SLC26A8: variants seen among roughly 807,000 people sequenced by gnomAD.
SLC26A8 encodes the protein solute carrier family 26 member 8.
A neutral mutation model predicts 105.0 loss-of-function variants in SLC26A8; 70 were observed. The observed-to-expected ratio is 0.67, with a 90% CI of 0.55 to 0.81. The LOEUF (loss-of-function observed/expected upper bound fraction) is 0.81, where lower values mean the gene tolerates loss of function less well. Ranked by LOEUF, SLC26A8 falls within the 40% of genes least tolerant of loss-of-function variation. The pLI, the probability that SLC26A8 is intolerant of heterozygous loss-of-function variation, is 0.00. For missense variants in SLC26A8, 998 were observed against 1,181.8 expected (o/e 0.84, Z 2.28); for synonymous variants, 415 against 438.3 (o/e 0.95, Z 0.66).
chr6:35,980,677 C>G (rs1488182301), intron 8 of SLC26A8, among the ~76,000 whole-genome samples: 1 of 152,066 alleles, frequency 6.6e-6, no homozygotes, highest in Admixed American at 6.6e-5. Flanking sequence ...TCATTGAGAA[C>G]TGGGTAGGTT....
Position 36,009,383 on chromosome 6 carries a change from C to CAACAACAACAACAAA in SLC26A8, c.328+2849_328+2850insTTTGTTGTTGTTGTT, listed in dbSNP as rs375466184. Among the ~76,000 whole-genome samples, 115 of 149,314 alleles carry CAACAACAACAACAAA rather than the reference C, an allele frequency of 7.7e-4. 7 individuals carry two copies. Among genetic ancestry groups the CAACAACAACAACAAA allele is most frequent in the African/African-American group, 2.5e-3 (101 of 40,178 alleles). On this transcript the variant is annotated intron_variant, in intron 3 of 19. Coordinates refer to ENST00000490799, the MANE Select transcript of SLC26A8 (RefSeq NM_052961.4). ...ACAACAACAACAACAACAACAACAACAAACCTGCACATGAATGTTCATATC... is the reference window on the plus strand; with the variant it reads ...ACAACAACAACAACAACAACAACAACAACAACAACAACAAAAAACCTGCACATGAATGTTCATATC...
chr6:36,000,183 T>A, intron 3 of SLC26A8, 75 bp from the exon 4 acceptor site: 1 of 987,514 alleles, frequency 1.0e-6, no homozygotes, highest in Admixed American at 2.0e-5. Context: ...TAAAGAATAT[T>A]TAAAATAAAA....
chr6:35,978,244 A>ATTGT (rs767518333), intron 8 of SLC26A8, among the ~76,000 whole-genome samples: 10,968 of 152,064 alleles, frequency 0.072, 462 homozygotes, highest in Middle Eastern at 0.099. Context: ...AAAGGATAAT[A>ATTGT]CACTATGGTC....
chr6:36,009,314 G>C (rs572162882), intron 3 of SLC26A8, among the ~76,000 whole-genome samples: 53 of 152,140 alleles, frequency 3.5e-4, no homozygotes, highest in African/African-American at 4.1e-4. Flanking sequence ...TCGTGCCACT[G>C]TACTCCAGCC....
chr6:35,993,889 G>A (rs954044899), intron 5 of SLC26A8, among the ~76,000 whole-genome samples: 1 of 151,912 alleles, frequency 6.6e-6, no homozygotes, highest in Non-Finnish European at 1.5e-5. Context: ...AACAAAAAGA[G>A]GGTAGGTTAA....
chr6:35,987,214 G>C lies in SLC26A8; in HGVS notation c.942+4445C>G, dbSNP rs73729648. On this transcript the variant is annotated intron_variant, in intron 7 of 19. Coordinates refer to ENST00000490799, the MANE Select transcript of SLC26A8 (RefSeq NM_052961.4). Reference sequence around the variant, plus strand: ...GACCTGGATTAGTTAGTATAAGTGGGTTATGCTGTGGCAATGTACAAGCCA... The same window carrying C: ...GACCTGGATTAGTTAGTATAAGTGGCTTATGCTGTGGCAATGTACAAGCCA... Among the ~76,000 whole-genome samples the C allele has an allele frequency of 9.2e-3, 1,396 of 152,234 alleles. 15 individuals carry two copies. The highest frequency in any genetic ancestry group is 0.032 in the African/African-American group (1,320 of 41,528).
chr6:35,955,640 G>C lies in SLC26A8; in HGVS notation c.1864-120C>G, dbSNP rs537569829. 3.1e-6 allele frequency: 4 copies of C among 1,288,402 alleles called. No individual in the cohort carries two copies. In the African/African-American group the frequency reaches 5.9e-5, roughly 19 times the overall value. 79.8% of individuals were successfully genotyped at this position (1,288,402 alleles called of 1,614,324 possible). ...GTCCCTCTCTCATGAAACTTCTCCC[G>C]AGAGTAGGTACTGTGCATTTTTTAC... On this transcript the variant is annotated intron_variant, in intron 16 of 19. Transcript: ENST00000490799.
chr6:35,955,280 C>T lies in SLC26A8; in HGVS notation c.2104G>A (p.Glu702Lys), dbSNP rs774979134. 3.7e-6 allele frequency: 6 copies of T among 1,614,106 alleles called. No individual in the cohort carries two copies. The highest frequency in any genetic ancestry group is 4.2e-6 in the Non-Finnish European group (5 of 1,180,046). ...ATGAGTGATCTCCTCCCCTGGCTTT[C>T]CGCCACATCAGGCAGTCCTGGTGAG... Reference protein sequence around the residue: ...NSSPGLPDVAESQGRRSLIPY... With the variant: ...NSSPGLPDVAKSQGRRSLIPY... The change falls in exon 17 of 20, where the codon GAA (glutamate) becomes AAA (lysine). Residue 702 changes from glutamate to lysine, a missense_variant. Physicochemically the swap from Glu to Lys is moderately conservative, Grantham distance 56. Transcript: ENST00000490799.
rs1399238869 is a variant in SLC26A8, at chr6:35,951,361, C to A, written c.2288-14G>T. The A allele has an allele frequency of 1.2e-6, 2 of 1,613,996 alleles. No homozygotes were observed. The highest frequency in any genetic ancestry group is 1.7e-5 in the Admixed American group (1 of 59,998). ...TGACTATGGAAGCTAAAAACCAAAC[C>A]CAGAACACACACAATGTCAGATACT... is the stretch of plus-strand genomic sequence containing the variant. On this transcript the variant is annotated splice_polypyrimidine_tract_variant and intron_variant, in intron 18 of 19. Transcript: ENST00000490799.
Position 35,951,150 on chromosome 6 carries a change from C to G in SLC26A8, c.2472+13G>C. On this transcript the variant is annotated intron_variant, in intron 19 of 19. Transcript: ENST00000490799. ...CCCTTCCCCCAACCTCATGCTTTGTCGGTTTGTCTGACCTTGTCTGTTTCT... is the reference window on the plus strand; with the variant it reads ...CCCTTCCCCCAACCTCATGCTTTGTGGGTTTGTCTGACCTTGTCTGTTTCT... 6.8e-7 allele frequency: 1 copy of G among 1,462,360 alleles called. No homozygotes were observed. The highest frequency in any genetic ancestry group is 1.8e-5 in the Admixed American group (1 of 55,080). The allele number at this position is 1,462,360 out of a possible 1,614,324, so 90.6% of individuals were successfully genotyped here.
intron 3 of SLC26A8, among the ~76,000 whole-genome samples, chr6:36,000,774 G>GT (rs1182857430): frequency 1.3e-5 from 2 of 152,152 alleles, no homozygotes; most frequent in Non-Finnish European, 2.9e-5. Context: ...TATGAATTTA[G>GT]TGAGGTGGTT....
rs745744573 is a variant in SLC26A8, at chr6:35,959,852, A to G, written c.1639-46T>C. 8 of 1,386,330 alleles carry G rather than the reference A, an allele frequency of 5.8e-6. No individual in the cohort carries two copies. In the South Asian group the frequency reaches 9.5e-5, roughly 17 times the overall value. 85.9% of individuals were successfully genotyped at this position (1,386,330 alleles called of 1,614,324 possible). ...TTGAGGGAAATTTCTCAGTTATTTT[A>G]TGGAATAAGAATAATATATCCTTAG... On this transcript the variant is annotated intron_variant, in intron 14 of 19. Coordinates refer to ENST00000490799, the MANE Select transcript of SLC26A8 (RefSeq NM_052961.4).
intron 9 of SLC26A8, among the ~76,000 whole-genome samples, chr6:35,976,685 C>A (rs914330974): frequency 6.6e-6 from 1 of 151,250 alleles, no homozygotes; most frequent in Non-Finnish European, 1.5e-5. Flanking sequence ...GGAGCACAGG[C>A]GCCCGCCACC....
At chr6:36,012,424 G>A (rs770127524) in intron 2 of SLC26A8, 52 bp from the exon 3 acceptor site, 15 of 1,525,214 alleles carry the variant, frequency 9.8e-6, no homozygotes, top group South Asian at 2.6e-5. Context: ...GAAAATGCCC[G>A]CATAGCCAAG....
intron 19 of SLC26A8, among the ~76,000 whole-genome samples, chr6:35,945,377 T>A (rs1771625698): frequency 6.6e-6 from 1 of 152,206 alleles, no homozygotes; most frequent in East Asian, 1.9e-4. Flanking sequence ...CTGAAACATC[T>A]TGTCTTCTTG....
intron 16 of SLC26A8, among the ~76,000 whole-genome samples, 179 bp downstream of exon 16, chr6:35,959,279 CTT>C: frequency 6.8e-6 from 1 of 147,698 alleles, no homozygotes; most frequent in South Asian, 2.2e-4. Context: ...AATCTTGTGC[CTT>C]TTTTTTTTCA....
Position 35,999,973 on chromosome 6 carries a change from A to G in SLC26A8, c.445+19T>C, listed in dbSNP as rs556237345. 8.6e-6 allele frequency: 13 copies of G among 1,507,760 alleles called. No homozygotes were observed. The East Asian group carries it at 2.5e-4, about 29-fold the overall frequency. The allele number at this position is 1,507,760 out of a possible 1,614,324, so 93.4% of individuals were successfully genotyped here. On this transcript the variant is annotated intron_variant, in intron 4 of 19. Transcript: ENST00000490799. ...TGGAAACTTCATCCACCGCATGTGT[A>G]TTTCAGTGCTGAACTCACCAATGGA...
Position 35,943,622 on chromosome 6 carries a change from G to C in SLC26A8, c.*278C>G, listed in dbSNP as rs1210656244. 3 of 401,366 alleles carry C rather than the reference G, an allele frequency of 7.5e-6. No homozygotes were observed. Among genetic ancestry groups the C allele is most frequent in the Non-Finnish European group, 1.4e-5 (3 of 218,364 alleles). 24.9% of individuals were successfully genotyped at this position (401,366 alleles called of 1,614,324 possible). ...TCTGGCACAAAGCCCAGAGATGTGGGGTGTGTGAAGAAGGAAATTCATGAC... is the reference window on the plus strand; with the variant it reads ...TCTGGCACAAAGCCCAGAGATGTGGCGTGTGTGAAGAAGGAAATTCATGAC... On this transcript the variant is annotated 3_prime_UTR_variant, in exon 20 of 20. Transcript: ENST00000490799.
At chr6:35,994,558 C>T (rs1761293905) in intron 5 of SLC26A8, among the ~76,000 whole-genome samples, 1 of 150,278 alleles carries the variant, frequency 6.7e-6, no homozygotes, top group Non-Finnish European at 1.5e-5. Flanking sequence ...CCATCTCTGC[C>T]AATCCATGTG....
Sources: gnomAD v4.1 joint callset for allele counts (sites outside exome capture counted in the v4.1 genomes callset) on GRCh38, gnomAD v4.1.1 for gene constraint, MANE v1.5 for transcripts, NCBI Gene and HGNC (gene_info 2026-07-23, HGNC 2026-07-21) for gene names.